The following CIITA variants were observed in gnomAD, a reference collection of about 807,000 sequenced individuals.
CIITA encodes class II major histocompatibility complex transactivator, also known as MHC class II transactivator.
A neutral mutation model predicts 115.1 loss-of-function variants in CIITA; 72 were observed. The observed-to-expected ratio is 0.63, with a 90% CI of 0.52 to 0.76. The LOEUF is 0.76. CIITA is among the 30% of genes least tolerant of loss of function. CIITA has a pLI of 0.00. For missense variants in CIITA, 1,617 were observed against 1,463.8 expected, an observed-to-expected ratio of 1.10 and a Z score of -1.71; for synonymous variants, 763 against 635.6, an observed-to-expected ratio of 1.20 and a Z score of -3.02.
intron 1 of CIITA, among the ~76,000 whole-genome samples, chr16:10,889,033 G>A (rs994051960): frequency 6.6e-6 from 1 of 152,230 alleles, no homozygotes; most frequent in Non-Finnish European, 1.5e-5. Context: ...GCTGGACACT[G>A]TGAATTCTAG....
In CIITA at chr16:10,930,641, T is replaced by C. The variant is rs1478153572; in HGVS notation, c.*6786T>C. ...GCTGGCACTGGCTTGGTAATAACGATGGAAACGGTCTGAATGAGAGCAGGT... is the reference window on the plus strand; with the variant it reads ...GCTGGCACTGGCTTGGTAATAACGACGGAAACGGTCTGAATGAGAGCAGGT... On this transcript the variant is annotated 3_prime_UTR_variant, in exon 20 of 20. Transcript: ENST00000324288. The C allele has an allele frequency of 6.6e-6, 1 of 152,234 alleles. No homozygotes were observed. The highest frequency in any genetic ancestry group is 1.5e-5 in the Non-Finnish European group (1 of 68,042). The allele number at this position is 152,234 out of a possible 1,614,324, so 9.4% of individuals were successfully genotyped here. A position where few individuals can be genotyped will look rare whatever the true frequency, so the allele number is the denominator to read the frequency against.
At position 10,926,598 on chromosome 16, in the gene CIITA, T is replaced by C. The variant is rs11648656; in HGVS notation, c.*2743T>C. 54,028 of 152,178 alleles carry C rather than the reference T, an allele frequency of 0.36. 10,084 individuals are homozygous for C. Among genetic ancestry groups the C allele is most frequent in the Admixed American group, 0.53 (8,131 of 15,290 alleles). The allele number at this position is 152,178 out of a possible 1,614,324, so 9.4% of individuals were successfully genotyped here. A position where few individuals can be genotyped will look rare whatever the true frequency, so the allele number is the denominator to read the frequency against. ...TCTTATTGCCCACGCTGGAGTGCAG[T>C]GGCATGATCTCGGCTCACTGCAACC... On this transcript the variant is annotated 3_prime_UTR_variant, in exon 20 of 20. Transcript: ENST00000324288.
chr16:10,915,300 T>A (rs1315879316), intron 13 of CIITA, among the ~76,000 whole-genome samples: 1 of 152,114 alleles, frequency 6.6e-6, no homozygotes, highest in Non-Finnish European at 1.5e-5. Context: ...TCCTCTTACC[T>A]TGGCCTCCCA....
intron 1 of CIITA, among the ~76,000 whole-genome samples, chr16:10,885,244 T>A (rs1469827383): frequency 6.6e-6 from 1 of 152,064 alleles, no homozygotes; most frequent in African/African-American, 2.4e-5. Flanking sequence ...AGCTTGCAGG[T>A]CAGAAAGGGG....
At chr16:10,873,206 T>C (rs1011567852), upstream of CIITA, among the ~76,000 whole-genome samples, 8 of 152,186 alleles carry the variant, frequency 5.3e-5, no homozygotes, top group Non-Finnish European at 8.8e-5. Flanking sequence ...ACTTCTGGGC[T>C]CAAGCGACAT....
intron 8 of CIITA, among the ~76,000 whole-genome samples, 172 bp from the exon 9 acceptor site, chr16:10,903,559 A>T (rs1596537747): frequency 6.6e-6 from 1 of 152,054 alleles, no homozygotes; most frequent in East Asian, 1.9e-4. Context: ...GCTAGATGTA[A>T]CTCCAGAGCT....
At chr16:10,875,425 A>T (rs6498116), upstream of CIITA, among the ~76,000 whole-genome samples, 35,956 of 152,092 alleles carry the variant, frequency 0.24, 4,733 homozygotes, top group East Asian at 0.58. Flanking sequence ...AAAGAAGGGC[A>T]TCATCCTCAT....
At chr16:10,867,583 G>A (rs933092955) in intron 1 of CIITA, among the ~76,000 whole-genome samples, 5 of 152,004 alleles carry the variant, frequency 3.3e-5, no homozygotes, top group African/African-American at 4.8e-5. Context: ...ATAAGAACTC[G>A]CTTACGGGAG....
intron 9 of CIITA, among the ~76,000 whole-genome samples, chr16:10,904,328 T>A (rs1186712252): frequency 6.6e-6 from 1 of 152,114 alleles, no homozygotes; most frequent in Non-Finnish European, 1.5e-5. Context: ...TTCAAGTGAT[T>A]CTCCTGCCTC....
rs367890193 is a variant in CIITA, at chr16:10,909,156, G to A, written c.2785G>A (p.Glu929Lys). ...PFKAKSLKDV[E>K]DLGKLVQTQR... Reference sequence around the variant, plus strand: ...CAAAGCCAAGTCCCTGAAGGATGTGGAAGACCTGGGAAAGCTTGTGCAGAC... The same window carrying A: ...CAAAGCCAAGTCCCTGAAGGATGTGAAAGACCTGGGAAAGCTTGTGCAGAC... Residue 929 changes from glutamate (E) to lysine (K), a missense_variant, in exon 12 of 20, where the codon GAA becomes AAA. By Grantham distance (56) the Glu-to-Lys change is moderately conservative. Transcript: ENST00000324288. 2.5e-5 allele frequency: 40 copies of A among 1,614,104 alleles called. No homozygotes were observed. Among genetic ancestry groups the A allele is most frequent in the Non-Finnish European group, 3.3e-5 (39 of 1,180,054 alleles).
upstream of CIITA, among the ~76,000 whole-genome samples, chr16:10,876,082 G>A (rs971579152): frequency 6.6e-6 from 1 of 152,072 alleles, no homozygotes; most frequent in Non-Finnish European, 1.5e-5. Context: ...CCCAGAACCC[G>A]GGAGGCGGAG....
Position 10,903,895 on chromosome 16 carries a change from G to T in CIITA, c.937G>T (p.Glu313Ter). The change falls in exon 9 of 20, where the codon GAG becomes TAG. Residue 313 changes from glutamate (E) to a stop codon, truncating the protein, a stop_gained and splice_region_variant. Transcript: ENST00000324288. LOFTEE classifies it high-confidence loss of function. ...CCTGACCTCCCGAGCAAACATGACA[G>T]GTAAGGACCCTTAGGGCCTGTGAGA... ...PALTSRANMTEHKTSPTQCPA... is the reference protein window; with the variant it reads ...PALTSRANMT 6.2e-7 allele frequency: 1 copy of T among 1,614,186 alleles called. No homozygotes were observed.
At chr16:10,898,845 T>G in intron 4 of CIITA, 80 bp from the exon 5 acceptor site, 1 of 1,597,386 alleles carries the variant, frequency 6.3e-7, no homozygotes, top group South Asian at 1.1e-5. Context: ...CAGACCCCTC[T>G]CCCCAAGGTG....
intron 1 of CIITA, among the ~76,000 whole-genome samples, chr16:10,868,091 T>C (rs536521907): frequency 5.1e-4 from 77 of 152,284 alleles, no homozygotes; most frequent in African/African-American, 1.8e-3. Flanking sequence ...ACGGTGTTTG[T>C]TCCATCTCCT....
At position 10,933,999 on chromosome 16, in the gene CIITA, A is replaced by G. The variant is rs1567464610; in HGVS notation, c.*10144A>G. 6.6e-6 allele frequency: 1 copy of G among 152,214 alleles called. No individual in the cohort carries two copies. Among genetic ancestry groups the G allele is most frequent in the Non-Finnish European group, 1.5e-5 (1 of 68,042 alleles). The allele number at this position is 152,214 out of a possible 1,614,324, so 9.4% of individuals were successfully genotyped here. A position where few individuals can be genotyped will look rare whatever the true frequency, so the allele number is the denominator to read the frequency against. ...AAGCTGCCTGTCTCTGCACAGGTCC[A>G]TGTCCCTGAGGAAAGCCAACGTCAC... On this transcript the variant is annotated 3_prime_UTR_variant, in exon 20 of 20. Coordinates refer to ENST00000324288, the MANE Select transcript of CIITA (RefSeq NM_000246.4).
chr16:10,904,694 C>A (rs776877669), intron 9 of CIITA, 50 bp from the exon 10 acceptor site: 17 of 1,608,708 alleles, frequency 1.1e-5, no homozygotes, highest in Non-Finnish European at 1.4e-5. Flanking sequence ...GAGGGGGGTC[C>A]CCAGGGGTAA....
chr16:10,903,938 C>T (rs201766728), intron 9 of CIITA, 43 bp downstream of exon 9: 52 of 1,612,572 alleles, frequency 3.2e-5, no homozygotes, highest in Non-Finnish European at 4.2e-5. Context: ...GAAGCAGGAT[C>T]GAGGCCCTGG....
chr16:10,923,133 C>A lies in CIITA; in HGVS notation c.3318-95C>A. The A allele has an allele frequency of 1.9e-6, 2 of 1,042,032 alleles. No individual in the cohort carries two copies. The highest frequency in any genetic ancestry group is 3.0e-6 in the Non-Finnish European group (2 of 669,034). The allele number at this position is 1,042,032 out of a possible 1,614,324, so 64.5% of individuals were successfully genotyped here. ...GGGGAAAAGTCCCCAACGTTCTAGG[C>A]TGGGTGGAAGGAGGGATTTGGGGGC... On this transcript the variant is annotated intron_variant, in intron 18 of 19. Coordinates refer to ENST00000324288, the MANE Select transcript of CIITA (RefSeq NM_000246.4). This position sits in a 1 kb window ranked among gnomAD's most constrained non-coding sequence, Gnocchi z 5.2.
intron 1 of CIITA, among the ~76,000 whole-genome samples, chr16:10,878,526 C>T (rs1201819971): frequency 4.6e-5 from 7 of 152,338 alleles, no homozygotes; most frequent in East Asian, 1.9e-4. Flanking sequence ...TTTTCTCTTC[C>T]TCCCTAGGGC....
Sources: gnomAD v4.1 joint callset for allele counts (sites outside exome capture counted in the v4.1 genomes callset) on GRCh38, gnomAD v4.1.1 for gene constraint, Gnocchi (gnomAD v3.1) non-coding constraint, MANE v1.5 for transcripts, NCBI Gene and HGNC (gene_info 2026-07-23, HGNC 2026-07-21) for gene names.